CAP2: variants seen among roughly 807,000 people sequenced by gnomAD.
The protein encoded by CAP2 is cyclase associated actin cytoskeleton regulatory protein 2.
A neutral mutation model predicts 57.7 loss-of-function variants in CAP2; 24 were observed. That is an observed-to-expected ratio of 0.42 (90% confidence interval 0.30 to 0.58). The LOEUF (loss-of-function observed/expected upper bound fraction) is 0.58. Among genes scored for constraint, CAP2 ranks in the 20% least tolerant of loss-of-function variants. The probability of loss-of-function intolerance (pLI) is 0.22; values close to 1 mark genes in which losing one functional copy is unlikely to be tolerated. For synonymous variants in CAP2, 194 were observed against 207.2 expected, an observed-to-expected ratio of 0.94 and a Z score of 0.55; for missense variants, 501 against 590.3, an observed-to-expected ratio of 0.85 and a Z score of 1.57.
chr6:17,399,348 C>A (rs1758751825), intron 1 of CAP2, among the ~76,000 whole-genome samples: 1 of 152,218 alleles, frequency 6.6e-6, no homozygotes, highest in African/African-American at 2.4e-5. Flanking sequence ...TAGGGATGAG[C>A]CACCACGCCC....
At chr6:17,464,309 A>G (rs1257296129) in intron 4 of CAP2, among the ~76,000 whole-genome samples, 1 of 152,262 alleles carries the variant, frequency 6.6e-6, no homozygotes, top group Non-Finnish European at 1.5e-5. Flanking sequence ...AATTGAGCAT[A>G]TGTTATGACA....
At chr6:17,539,568 A>AGG in intron 8 of CAP2, 110 bp downstream of exon 8, 1 of 791,214 alleles carries the variant, frequency 1.3e-6, no homozygotes, top group Non-Finnish European at 2.0e-6. Flanking sequence ...CCCTGCCTCC[A>AGG]GCATGCAGGG....
intron 3 of CAP2, among the ~76,000 whole-genome samples, chr6:17,439,761 G>C (rs1258176036): frequency 6.6e-6 from 1 of 151,318 alleles, no homozygotes; most frequent in Non-Finnish European, 1.5e-5. Context: ...TCTCACAGGT[G>C]GTGGAGCTCG....
At chr6:17,477,071 A>G (rs567779828) in intron 4 of CAP2, among the ~76,000 whole-genome samples, 5 of 152,078 alleles carry the variant, frequency 3.3e-5, no homozygotes, top group African/African-American at 4.8e-5. Flanking sequence ...GGGTTTCACC[A>G]TGTTGGCCAG....
chr6:17,514,420 G>A (rs918370344), intron 7 of CAP2, among the ~76,000 whole-genome samples: 2 of 151,400 alleles, frequency 1.3e-5, no homozygotes, highest in African/African-American at 4.9e-5. Context: ...GAGAAATTTC[G>A]GAGCTCCCTA....
chr6:17,442,969 G>A (rs529190384), intron 3 of CAP2, among the ~76,000 whole-genome samples: 3 of 151,978 alleles, frequency 2.0e-5, no homozygotes, highest in South Asian at 4.2e-4. Flanking sequence ...CCACCGCCTC[G>A]ACCTCCCAAA....
intron 1 of CAP2, among the ~76,000 whole-genome samples, chr6:17,398,845 A>T (rs1306800734): frequency 2.0e-5 from 3 of 152,084 alleles, no homozygotes; most frequent in African/African-American, 7.2e-5. Flanking sequence ...ATTTTTAAGC[A>T]TACTATTCAG....
At chr6:17,496,830 T>C (rs111443382) in intron 4 of CAP2, among the ~76,000 whole-genome samples, 1,932 of 152,300 alleles carry the variant, frequency 0.013, 23 homozygotes, top group Middle Eastern at 0.02. Context: ...GTGGAAACTG[T>C]AGATTTACAT....
intron 4 of CAP2, among the ~76,000 whole-genome samples, chr6:17,482,552 G>T (rs1011430467): frequency 8.8e-5 from 13 of 147,912 alleles, no homozygotes; most frequent in Non-Finnish European, 1.5e-4. Flanking sequence ...CTAGGCATGG[G>T]CAAGGCCACG....
At chr6:17,498,812 T>C (rs1488360142) in intron 4 of CAP2, among the ~76,000 whole-genome samples, 1 of 152,064 alleles carries the variant, frequency 6.6e-6, no homozygotes, top group East Asian at 1.9e-4. Context: ...CACCGCAAGC[T>C]CCGCCTCCTG....
intron 1 of CAP2, among the ~76,000 whole-genome samples, chr6:17,413,055 G>T (rs368672081): frequency 6.9e-4 from 105 of 152,200 alleles, no homozygotes; most frequent in African/African-American, 2.3e-3. Flanking sequence ...TGGCATGTGG[G>T]TATCTCAGGA....
intron 3 of CAP2, among the ~76,000 whole-genome samples, chr6:17,445,199 C>T (rs1275704388): frequency 3.3e-5 from 5 of 152,208 alleles, no homozygotes; most frequent in African/African-American, 4.8e-5. Context: ...CTCCACCTCC[C>T]AGGTTCAAGC....
chr6:17,546,096 T>C (rs1763038015), intron 11 of CAP2, among the ~76,000 whole-genome samples: 2 of 152,244 alleles, frequency 1.3e-5, no homozygotes, highest in Non-Finnish European at 2.9e-5. Flanking sequence ...TTTCTAGTTA[T>C]AGATCCTTGA....
chr6:17,398,237 T>C (rs1758719692), intron 1 of CAP2, among the ~76,000 whole-genome samples: 1 of 152,178 alleles, frequency 6.6e-6, no homozygotes, highest in African/African-American at 2.4e-5. Flanking sequence ...ATTACTTTAA[T>C]CAAAGTACAT....
chr6:17,415,099 C>T (rs1233413150), intron 1 of CAP2, among the ~76,000 whole-genome samples: 1 of 152,160 alleles, frequency 6.6e-6, no homozygotes, highest in African/African-American at 2.4e-5. Flanking sequence ...TCATGATCTT[C>T]AGAAGCCCTT....
At chr6:17,437,343 G>A (rs1759921010) in intron 3 of CAP2, among the ~76,000 whole-genome samples, 1 of 152,034 alleles carries the variant, frequency 6.6e-6, no homozygotes, top group South Asian at 2.1e-4. Context: ...AGGGATAGGC[G>A]GGATGCTGGG....
At chr6:17,550,504 C>G (rs1581616589) in intron 11 of CAP2, among the ~76,000 whole-genome samples, 2 of 145,598 alleles carry the variant, frequency 1.4e-5, no homozygotes, top group South Asian at 4.4e-4. Flanking sequence ...CCTGGCCAGA[C>G]TCCCCACAAG....
intron 1 of CAP2, among the ~76,000 whole-genome samples, chr6:17,413,824 C>T (rs1759203150): frequency 2.0e-5 from 3 of 152,116 alleles, no homozygotes; most frequent in Admixed American, 2.0e-4. Flanking sequence ...GAGACCAAGG[C>T]AGGTGGATCA....
chr6:17,490,017 A>C (rs1053456187), intron 4 of CAP2, among the ~76,000 whole-genome samples: 1 of 152,094 alleles, frequency 6.6e-6, no homozygotes, highest in Non-Finnish European at 1.5e-5. Context: ...CCCTCCTCTT[A>C]CTTGACTGTC....
Sources: gnomAD v4.1 joint callset for allele counts (sites outside exome capture counted in the v4.1 genomes callset) on GRCh38, gnomAD v4.1.1 for gene constraint, MANE v1.5 for transcripts, NCBI Gene and HGNC (gene_info 2026-07-23, HGNC 2026-07-21) for gene names.